The following HSDL1 variants were observed in gnomAD, a reference collection of about 807,000 sequenced individuals.
HSDL1 encodes the protein hydroxysteroid dehydrogenase like 1, also known as inactive hydroxysteroid dehydrogenase-like protein 1.
A neutral mutation model predicts 31.5 loss-of-function variants in HSDL1; 29 were observed. That is an observed-to-expected ratio of 0.92 (90% CI 0.69 to 1.26). HSDL1 has a LOEUF of 1.26. Among genes scored for constraint, HSDL1 ranks in the 50% most tolerant of loss-of-function variants. HSDL1 has a pLI of 0.00. For synonymous variants in HSDL1, 222 were observed against 155.2 expected, an observed-to-expected ratio of 1.43 and a Z score of -3.20; for missense variants, 503 against 416.6, an observed-to-expected ratio of 1.21 and a Z score of -1.81.
At chr16:84,133,982 T>C (rs934413079) in intron 2 of HSDL1, among the ~76,000 whole-genome samples, 3 of 152,222 alleles carry the variant, frequency 2.0e-5, no homozygotes, top group South Asian at 2.1e-4. Context: ...TGAGATGACC[T>C]AAAATATGAG....
chr16:84,132,123 A>C (rs2086675482), intron 2 of HSDL1, among the ~76,000 whole-genome samples: 1 of 152,282 alleles, frequency 6.6e-6, no homozygotes, highest in Non-Finnish European at 1.5e-5. Context: ...GTGGCTACAG[A>C]GATAAACACA....
chr16:84,131,279 C>T lies in HSDL1; in HGVS notation c.43G>A (p.Ala15Thr), dbSNP rs915352297. 31 of 1,613,978 alleles carry T rather than the reference C, an allele frequency of 1.9e-5. No homozygotes were observed. Among genetic ancestry groups the T allele is most frequent in the Non-Finnish European group, 2.5e-5 (30 of 1,180,020 alleles). Residue 15 changes from alanine to threonine, a missense_variant, in exon 3 of 6, where the codon GCC becomes ACC. Coordinates refer to ENST00000219439, the MANE Select transcript of HSDL1 (RefSeq NM_031463.5). Reference protein sequence around the residue: ...DSFYLLYREIARSCNCYMEAL... With the variant: ...DSFYLLYREITRSCNCYMEAL... ...TCCATATAGCAATTGCAAGACCTGG[C>T]GATTTCCCTGTACAAGAGGTAGAAA...
chr16:84,143,265 G>A lies in HSDL1; in HGVS notation c.-69+1815C>T, dbSNP rs1279467122. On this transcript the variant is annotated intron_variant, in intron 1 of 5. Coordinates refer to ENST00000219439, the MANE Select transcript of HSDL1 (RefSeq NM_031463.5). ...TATCCACACAAAGGAGTATTATTCA[G>A]CCATAAAAAAGCATGAAGTACTGAT... Among the ~76,000 whole-genome samples the A allele has an allele frequency of 7.9e-5, 12 of 152,134 alleles. 1 individual carries two copies. The highest frequency in any genetic ancestry group is 2.7e-4 in the African/African-American group (11 of 41,442).
Position 84,134,037 on chromosome 16 carries a change from G to A in HSDL1, c.-7+1507C>T, listed in dbSNP as rs79141355. Among the ~76,000 whole-genome samples, 28 of 152,152 alleles carry A rather than the reference G, an allele frequency of 1.8e-4. No homozygotes were observed. The East Asian group carries it at 4.4e-3, about 24-fold the overall frequency. On this transcript the variant is annotated intron_variant, in intron 2 of 5. Transcript: ENST00000219439. ...CTTTCTTTTTTCTGAGCAATCTTCC[G>A]TACAGCAGTCACCAATACCCCTTAC...
chr16:84,129,696 A>G lies in HSDL1; in HGVS notation c.746T>C (p.Phe249Ser). 1 of 1,614,194 alleles carries G rather than the reference A, an allele frequency of 6.2e-7. No homozygotes were observed. The highest frequency in any genetic ancestry group is 8.5e-7 in the Non-Finnish European group (1 of 1,180,028). ...TGCTGTCATGCTGGTGGCTACATAG[A>G]AAGGGATTAGACTCTGTACAAAGAT... is the stretch of plus-strand genomic sequence containing the variant. ...KGIFVQSLIPFYVATSMTAPS... is the reference protein window; with the variant it reads ...KGIFVQSLIPSYVATSMTAPS... Residue 249 changes from phenylalanine to serine, a missense_variant, in exon 5 of 6, where the codon TTC becomes TCC. Physicochemically the swap from Phe to Ser is radical, Grantham distance 155. Transcript: ENST00000219439.
chr16:84,130,407 G>C lies in HSDL1; in HGVS notation c.245C>G (p.Ala82Gly). The part of the protein sequence containing the change: ...VSGATDGIGK[A>G]YAEELASRGL... ...TCGGCTTGCTAACTCTTCAGCGTAG[G>C]CTTTTCCAATCCCATCTGTTGCACC... The change falls in exon 4 of 6, where the codon GCC becomes GGC. Residue 82 changes from alanine (A) to glycine (G), a missense_variant. Physicochemically the swap from Ala to Gly is moderately conservative, Grantham distance 60. Transcript: ENST00000219439. 1 of 1,611,194 alleles carries C rather than the reference G, an allele frequency of 6.2e-7. No individual in the cohort carries two copies. The highest frequency in any genetic ancestry group is 1.7e-5 in the Admixed American group (1 of 59,826).
intron 2 of HSDL1, among the ~76,000 whole-genome samples, chr16:84,132,402 C>T (rs1465767072): frequency 2.0e-5 from 3 of 152,110 alleles, no homozygotes; most frequent in East Asian, 3.8e-4. Flanking sequence ...TAAAGAGATA[C>T]CCTCCAAGCT....
intron 2 of HSDL1, among the ~76,000 whole-genome samples, chr16:84,133,003 C>G (rs1246184426): frequency 4.8e-5 from 7 of 147,026 alleles, no homozygotes; most frequent in Admixed American, 1.4e-4. Flanking sequence ...AGTCTGGATA[C>G]TAAGAAAATA....
Position 84,123,487 on chromosome 16 carries a change from C to T in HSDL1, c.*1143G>A, listed in dbSNP as rs139262833. The T allele has an allele frequency of 1.0e-3, 158 of 152,236 alleles. No individual in the cohort carries two copies. Among genetic ancestry groups the T allele is most frequent in the African/African-American group, 3.4e-3 (142 of 41,528 alleles). The allele number at this position is 152,236 out of a possible 1,614,324, so 9.4% of individuals were successfully genotyped here. On this transcript the variant is annotated 3_prime_UTR_variant, in exon 6 of 6. Transcript: ENST00000219439. ...CATTTCACAGGTTTCAATGTTAACG[C>T]GTATTGTGAGGGTTTGTGCATAATT...
intron 4 of HSDL1, 42 bp downstream of exon 4, chr16:84,129,944 C>G (rs1457940134): frequency 6.4e-7 from 1 of 1,574,586 alleles, no homozygotes. Context: ...AATAAATGTT[C>G]TGTGGCATTA....
Position 84,129,977 on chromosome 16 carries a change from A to G in HSDL1, c.666+9T>C. 3.7e-6 allele frequency: 6 copies of G among 1,607,526 alleles called. No homozygotes were observed. The highest frequency in any genetic ancestry group is 4.3e-6 in the Non-Finnish European group (5 of 1,175,962). ...TTAGGATTTCATCTTCCAGTAAGTA[A>G]CATCTGACCTTAGAAGCAGAAAATG... On this transcript the variant is annotated intron_variant, in intron 4 of 5. Coordinates refer to ENST00000219439, the MANE Select transcript of HSDL1 (RefSeq NM_031463.5).
chr16:84,139,833 C>T (rs1436796180), intron 1 of HSDL1, among the ~76,000 whole-genome samples: 1 of 152,206 alleles, frequency 6.6e-6, no homozygotes, highest in East Asian at 1.9e-4. Flanking sequence ...TCCTCACCAG[C>T]TGGGATTATC....
intron 5 of HSDL1, among the ~76,000 whole-genome samples, chr16:84,128,594 A>G (rs1051499400): frequency 3.9e-5 from 6 of 151,950 alleles, no homozygotes; most frequent in Non-Finnish European, 7.4e-5. Flanking sequence ...GTTTTTTTGG[A>G]TTATATTTTT....
At chr16:84,131,443 A>C in intron 2 of HSDL1, 116 bp from the exon 3 acceptor site, 1 of 704,434 alleles carries the variant, frequency 1.4e-6, no homozygotes, top group Non-Finnish European at 2.5e-6. Context: ...GTACGTTCAA[A>C]TAACACTAAC....
In HSDL1 at chr16:84,124,264, G is replaced by C. The variant is rs1240647784; in HGVS notation, c.*366C>G. 5.6e-6 allele frequency: 1 copy of C among 179,570 alleles called. No homozygotes were observed. 11.1% of individuals were successfully genotyped at this position (179,570 alleles called of 1,614,324 possible). A position where few individuals can be genotyped will look rare whatever the true frequency, so the allele number is the denominator to read the frequency against. On this transcript the variant is annotated 3_prime_UTR_variant, in exon 6 of 6. Transcript: ENST00000219439. ...CCAGCACAACTCCTCTAGTGAAATG[G>C]TCAATTTCCCTTAAAAAACAACATC...
intron 1 of HSDL1, among the ~76,000 whole-genome samples, chr16:84,142,394 C>T (rs572760023): frequency 1.6e-4 from 23 of 145,586 alleles, no homozygotes; most frequent in African/African-American, 5.3e-4. Context: ...ATCCTCCTGG[C>T]GTTTTGTGAT....
chr16:84,143,211 C>A (rs1431455248), intron 1 of HSDL1, among the ~76,000 whole-genome samples: 2 of 152,128 alleles, frequency 1.3e-5, no homozygotes, highest in African/African-American at 2.4e-5. Context: ...TGTCCATCAA[C>A]AAATGAATGA....
chr16:84,136,506 G>A (rs541245176), intron 1 of HSDL1, among the ~76,000 whole-genome samples: 35 of 152,334 alleles, frequency 2.3e-4, no homozygotes, highest in South Asian at 4.1e-4. Context: ...CCTGTCCAGC[G>A]CTCAGCCCTC....
At chr16:84,140,080 G>C (rs1046750278) in intron 1 of HSDL1, among the ~76,000 whole-genome samples, 1 of 151,904 alleles carries the variant, frequency 6.6e-6, no homozygotes, top group African/African-American at 2.4e-5. Context: ...CCCTTCCCAG[G>C]CCGTGGCACT....
Sources: allele counts gnomAD v4.1 joint callset (sites outside exome capture counted in the v4.1 genomes callset), GRCh38; gene constraint gnomAD v4.1.1; transcripts MANE v1.5; gene names NCBI Gene and HGNC (gene_info 2026-07-23, HGNC 2026-07-21).